The following MTM1 variants were observed in gnomAD, a reference collection of about 807,000 sequenced individuals.
The protein encoded by MTM1 is myotubularin 1, also known as myotubularin.
A neutral mutation model predicts 52.1 loss-of-function variants in MTM1; 9 were observed. That is an observed-to-expected ratio of 0.17 (90% CI 0.10 to 0.30). The LOEUF (loss-of-function observed/expected upper bound fraction) is 0.30, where lower values mean the gene tolerates loss of function less well. MTM1 is among the 10% of genes least tolerant of loss of function. The probability of loss-of-function intolerance (pLI) is 1.00; values close to 1 mark genes in which losing one functional copy is unlikely to be tolerated. For missense variants in MTM1, 277 were observed against 470.7 expected (o/e 0.59, Z 3.81); for synonymous variants, 136 against 163.8 (o/e 0.83, Z 1.29).
At chrX:150,566,957 A>C (rs1557411252), upstream of MTM1, among the ~76,000 whole-genome samples, 1 of 111,784 alleles carries the variant, frequency 8.9e-6, no homozygotes, top group African/African-American at 3.3e-5. Flanking sequence ...TGAGATTCAA[A>C]GGAGTTCATA....
At chrX:150,568,917 C>T (rs2038310603) in intron 1 of MTM1, among the ~76,000 whole-genome samples, 1 of 113,179 alleles carries the variant, frequency 8.8e-6, no homozygotes, top group Admixed American at 9.2e-5. Context: ...CGGCCGGCGG[C>T]GGGCGAAGGT....
At chrX:150,581,532 A>T (rs782191974) in intron 1 of MTM1, among the ~76,000 whole-genome samples, 2 of 111,932 alleles carry the variant, frequency 1.8e-5, no homozygotes, top group African/African-American at 3.2e-5. Flanking sequence ...CATGGATTTC[A>T]GGGGAAAAAG....
intron 10 of MTM1, among the ~76,000 whole-genome samples, chrX:150,656,719 AT>A (rs1434493072): frequency 1.8e-5 from 2 of 110,498 alleles, no homozygotes; most frequent in Admixed American, 9.6e-5. Context: ...AATTTTTGCA[AT>A]CTACCCATCT....
intron 6 of MTM1, among the ~76,000 whole-genome samples, chrX:150,633,059 C>T (rs2039696135): frequency 9.0e-6 from 1 of 111,684 alleles, no homozygotes; most frequent in Non-Finnish European, 1.9e-5. Flanking sequence ...AGAAGAGGGA[C>T]AATGTATGAA....
intron 10 of MTM1, among the ~76,000 whole-genome samples, chrX:150,653,077 GAAAGAAACT>G: frequency 9.0e-6 from 1 of 111,654 alleles, no homozygotes; most frequent in South Asian, 3.8e-4. Context: ...TGAAAGAAAT[GAAAGAAACT>G]GTCATTGTTC....
chrX:150,634,035 CA>C (rs1482598251), intron 6 of MTM1, among the ~76,000 whole-genome samples: 2 of 112,260 alleles, frequency 1.8e-5, no homozygotes, highest in Admixed American at 1.9e-4. Flanking sequence ...GACTCTGTCT[CA>C]AAAACAAAAA....
rs782683349 is a variant in MTM1, at chrX:150,596,862, T to C, written c.136+292T>C. On this transcript the variant is annotated intron_variant, in intron 3 of 14. Coordinates refer to ENST00000370396, the MANE Select transcript of MTM1 (RefSeq NM_000252.3). ...AGTCTCTCATTGGAGCCATAAGCTC[T>C]CATGGTTTAAGGTTTTAAGAGCAAA... 5.3e-5 allele frequency: 14 copies of C among 263,513 alleles called. No individual in the cohort carries two copies. The South Asian group carries it at 9.5e-4, about 18-fold the overall frequency. 21.7% of individuals were successfully genotyped at this position (263,513 alleles called of 1,213,427 possible).
intron 10 of MTM1, among the ~76,000 whole-genome samples, chrX:150,650,648 G>A (rs1337578083): frequency 9.0e-6 from 1 of 110,874 alleles, no homozygotes; most frequent in Admixed American, 9.6e-5. Context: ...TTGGAAACAT[G>A]TCTGTCACTC....
At chrX:150,567,370 C>A (rs1208549857), upstream of MTM1, among the ~76,000 whole-genome samples, 1 of 111,047 alleles carries the variant, frequency 9.0e-6, no homozygotes, top group Non-Finnish European at 1.9e-5. Context: ...TATGTAGAAA[C>A]ACACGTACAC....
In MTM1 at chrX:150,649,705, T is replaced by C. The variant is rs1009141287; in HGVS notation, c.868-11T>C. ...CTCAACTGATTGTTTGTATTTCATG[T>C]TGTTTCTTAGGCAACAGGAGGAGGA... On this transcript the variant is annotated splice_polypyrimidine_tract_variant and intron_variant, in intron 9 of 14. Transcript: ENST00000370396. 4.2e-6 allele frequency: 5 copies of C among 1,197,716 alleles called. No homozygotes were observed. In the African/African-American group the frequency reaches 5.3e-5, roughly 13 times the overall value.
chrX:150,615,343 A>G (rs1378508051), intron 5 of MTM1, among the ~76,000 whole-genome samples: 1 of 111,681 alleles, frequency 9.0e-6, no homozygotes, highest in African/African-American at 3.3e-5. Flanking sequence ...TCGTGTGACT[A>G]TGAACCACCA....
chrX:150,633,054 A>T (rs1557413616), intron 6 of MTM1, among the ~76,000 whole-genome samples: 1 of 111,962 alleles, frequency 8.9e-6, no homozygotes, highest in Admixed American at 9.4e-5. Flanking sequence ...CAGTGAGAAG[A>T]GGGACAATGT....
chrX:150,608,259 C>T (rs2039205440), intron 4 of MTM1, among the ~76,000 whole-genome samples: 1 of 111,439 alleles, frequency 9.0e-6, no homozygotes, highest in Non-Finnish European at 1.9e-5. Context: ...CTCGCTGTTG[C>T]CCAGGCTGGA....
At chrX:150,631,846 G>C (rs1288905998) in intron 6 of MTM1, among the ~76,000 whole-genome samples, 3 of 110,908 alleles carry the variant, frequency 2.7e-5, no homozygotes, top group African/African-American at 9.9e-5. Flanking sequence ...TTGTTGACTA[G>C]TTTGCTGATT....
intron 1 of MTM1, among the ~76,000 whole-genome samples, chrX:150,577,707 C>T (rs997551933): frequency 1.8e-5 from 2 of 109,438 alleles, no homozygotes; most frequent in Admixed American, 9.8e-5. Flanking sequence ...CAAGCATGTT[C>T]TCTCAAACTG....
rs781884085 is a variant in MTM1, at chrX:150,616,447, CAAT to C, written c.342+1751_342+1753del. On this transcript the variant is annotated intron_variant, in intron 5 of 14. Transcript: ENST00000370396. ...TCATAGGTCAACTTTCGCCTGCAGTCAATAACCATGATACAACCGCATTTCTCT... is the reference window on the plus strand; with the variant it reads ...TCATAGGTCAACTTTCGCCTGCAGTCAACCATGATACAACCGCATTTCTCT... 8.3e-4 allele frequency among the ~76,000 whole-genome samples: 93 copies of C among 111,844 alleles called. 1 individual carries two copies. Among genetic ancestry groups the C allele is most frequent in the Admixed American group, 1.7e-3 (18 of 10,522 alleles).
At chrX:150,644,373 G>C (rs1233997886) in intron 8 of MTM1, among the ~76,000 whole-genome samples, 1 of 110,827 alleles carries the variant, frequency 9.0e-6, no homozygotes, top group Non-Finnish European at 1.9e-5. Context: ...TGAGCCTTTG[G>C]ACTCTTATTA....
intron 1 of MTM1, among the ~76,000 whole-genome samples, chrX:150,585,854 A>T (rs782187609): frequency 8.9e-6 from 1 of 112,238 alleles, no homozygotes; most frequent in South Asian, 3.7e-4. Context: ...CAATTTATGA[A>T]TAATTTCTAA....
At chrX:150,658,572 ATTAAAAAT>A (rs1557414547) in intron 11 of MTM1, among the ~76,000 whole-genome samples, 2 of 110,582 alleles carry the variant, frequency 1.8e-5, no homozygotes, top group African/African-American at 6.7e-5. Flanking sequence ...TTCTCTCTCA[ATTAAAAAT>A]AAATAAAAAT....
Sources: allele counts gnomAD v4.1 joint callset (sites outside exome capture counted in the v4.1 genomes callset), GRCh38; gene constraint gnomAD v4.1.1; transcripts MANE v1.5; gene names NCBI Gene and HGNC (gene_info 2026-07-23, HGNC 2026-07-21).